APBB1: variants seen among roughly 807,000 people sequenced by gnomAD.
APBB1 encodes the protein amyloid beta precursor protein binding family B member 1.
In APBB1, 22 loss-of-function variants were observed where a neutral mutation model predicts 78.4. The ratio of observed to expected loss-of-function variants is 0.28; its 90% CI spans 0.20 to 0.40. The LOEUF is 0.40. Ranked by LOEUF, APBB1 falls within the 10% of genes least tolerant of loss-of-function variation. The pLI, the probability that APBB1 is intolerant of heterozygous loss-of-function variation, is 1.00. For missense variants in APBB1, 749 were observed against 932.4 expected, an observed-to-expected ratio of 0.80 and a Z score of 2.56; for synonymous variants, 369 against 372.7, an observed-to-expected ratio of 0.99 and a Z score of 0.12.
intron 1 of APBB1, among the ~76,000 whole-genome samples, chr11:6,413,096 G>A (rs1245655611): frequency 6.6e-6 from 1 of 151,630 alleles, no homozygotes; most frequent in African/African-American, 2.4e-5. Context: ...AAGAGAAAGT[G>A]CTCTCTCCCT....
chr11:6,402,882 G>A, intron 6 of APBB1, 157 bp from the exon 7 acceptor site: 1 of 970,210 alleles, frequency 1.0e-6, no homozygotes, highest in Non-Finnish European at 1.5e-6. Context: ...TGGTTAGGGT[G>A]AGGGAGATGT....
At chr11:6,409,534 G>A (rs918532346) in intron 2 of APBB1, among the ~76,000 whole-genome samples, 7 of 152,132 alleles carry the variant, frequency 4.6e-5, no homozygotes, top group African/African-American at 9.7e-5. Flanking sequence ...CTATTTTTGT[G>A]TATGTTTGAA....
intron 2 of APBB1, among the ~76,000 whole-genome samples, chr11:6,408,494 T>C (rs1024247673): frequency 1.3e-5 from 2 of 151,166 alleles, no homozygotes; most frequent in Admixed American, 6.6e-5. Flanking sequence ...GTCTCTACAT[T>C]TTTTTTTTCC....
intron 1 of APBB1, among the ~76,000 whole-genome samples, chr11:6,413,112 C>T (rs1423347014): frequency 6.6e-6 from 1 of 152,090 alleles, no homozygotes; most frequent in Non-Finnish European, 1.5e-5. Flanking sequence ...TCCCTGGACC[C>T]TCACCAGCCC....
chr11:6,402,234 A>G, intron 7 of APBB1, 25 bp from the exon 8 acceptor site: 1 of 1,611,298 alleles, frequency 6.2e-7, no homozygotes, highest in Non-Finnish European at 8.5e-7. Context: ...GCAGGCACTC[A>G]GTGGGACTCC....
At chr11:6,398,239 G>C (rs2134043847) in intron 12 of APBB1, among the ~76,000 whole-genome samples, 1 of 151,840 alleles carries the variant, frequency 6.6e-6, no homozygotes, top group Non-Finnish European at 1.5e-5. Flanking sequence ...TTTTGTATCA[G>C]TTGTTGCCTT....
chr11:6,403,392 C>T lies in APBB1; in HGVS notation c.967G>A (p.Asp323Asn). The change falls in exon 5 of 15, where the codon GAT becomes AAT. Residue 323 changes from aspartate to asparagine, a missense_variant. Asp to Asn is a conservative substitution (Grantham distance 23, BLOSUM62 1). This residue lies in a region of APBB1 where 635 missense variants were observed against 765.0 expected (regional missense o/e 0.83). Transcript: ENST00000609360. This position sits in a 1 kb window ranked among gnomAD's most constrained non-coding sequence, Gnocchi z 5.3. ...AGTCCCAGCTCCATTGGGGCCTCAT[C>T]ACTGGGTTCATCCTTGGGAAGGGGA... ...DGEFWKDEPS[D>N]EAPMELGLKE... 1 of 1,614,190 alleles carries T rather than the reference C, an allele frequency of 6.2e-7. No homozygotes were observed. The highest frequency in any genetic ancestry group is 1.1e-5 in the South Asian group (1 of 91,084).
Position 6,402,618 on chromosome 11 carries a change from G to A in APBB1, c.1212C>T (p.His404=). 1 of 1,614,092 alleles carries A rather than the reference G, an allele frequency of 6.2e-7. No individual in the cohort carries two copies. ...VNNCIRQLSY[H]KNNLHDPMSG... ...ACATGGGGTCATGCAGGTTGTTTTT[G>A]TGGTAAGAGAGCTGACGGATGCAAT... Residue 404 remains histidine (H), a synonymous_variant, in exon 7 of 15, where the codon CAC becomes CAT. Coordinates refer to ENST00000609360, the MANE Select transcript of APBB1 (RefSeq NM_001164.5).
Position 6,403,337 on chromosome 11 carries a change from A to T in APBB1, c.1022T>A (p.Phe341Tyr). The change falls in exon 5 of 15, where the codon TTC becomes TAC. Residue 341 changes from phenylalanine to tyrosine, a missense_variant. Phe to Tyr is a conservative substitution (Grantham distance 22, BLOSUM62 3). Around this residue, in one of 3 missense-constraint regions of APBB1, gnomAD observed 635 missense variants for 765.0 expected, o/e 0.83. Coordinates refer to ENST00000609360, the MANE Select transcript of APBB1 (RefSeq NM_001164.5). This position sits in a 1 kb window ranked among gnomAD's most constrained non-coding sequence, Gnocchi z 5.3. Reference protein sequence around the residue: ...LKEPEEGTLTFPAQSLSPEPL... With the variant: ...LKEPEEGTLTYPAQSLSPEPL... ...AGCTCACCTGAGGCTCTGAGCTGGG[A>T]AGGTCAACGTCCCCTCCTCAGGTTC... 1 of 1,614,102 alleles carries T rather than the reference A, an allele frequency of 6.2e-7. No individual in the cohort carries two copies. Among genetic ancestry groups the T allele is most frequent in the Non-Finnish European group, 8.5e-7 (1 of 1,180,004 alleles).
chr11:6,418,836 G>A (rs1466364443), intron 1 of APBB1, 149 bp downstream of exon 1: 3 of 364,410 alleles, frequency 8.2e-6, no homozygotes, highest in Non-Finnish European at 1.5e-5. Context: ...GACGGTCTGC[G>A]GGCGCGCGGT....
intron 2 of APBB1, among the ~76,000 whole-genome samples, chr11:6,406,737 T>C (rs1408211436): frequency 6.6e-6 from 1 of 151,968 alleles, no homozygotes; most frequent in African/African-American, 2.4e-5. Context: ...ATCACCTACC[T>C]CTCCTTCAGA....
Position 6,395,486 on chromosome 11 carries a change from G to C in APBB1, c.*48C>G, listed in dbSNP as rs1378234438. ...ACCCCTCCCTGACCCACACCCTTTA[G>C]TTCCCTGGGGCCCAACACAAGCAGG... On this transcript the variant is annotated 3_prime_UTR_variant, in exon 15 of 15. Coordinates refer to ENST00000609360, the MANE Select transcript of APBB1 (RefSeq NM_001164.5). The surrounding 1 kb of genome is among the most constrained non-coding windows in gnomAD (Gnocchi z 5.2). 3 of 1,493,388 alleles carry C rather than the reference G, an allele frequency of 2.0e-6. No homozygotes were observed. The highest frequency in any genetic ancestry group is 2.7e-6 in the Non-Finnish European group (3 of 1,121,994). 92.5% of individuals were successfully genotyped at this position (1,493,388 alleles called of 1,614,324 possible).
intron 7 of APBB1, 67 bp from the exon 8 acceptor site, chr11:6,402,276 C>A: frequency 6.3e-7 from 1 of 1,587,200 alleles, no homozygotes; most frequent in Non-Finnish European, 8.6e-7. Flanking sequence ...CTGACCCCTG[C>A]AGCTCAGGGG....
chr11:6,406,921 T>A (rs1158197652), intron 2 of APBB1, among the ~76,000 whole-genome samples: 2 of 152,136 alleles, frequency 1.3e-5, no homozygotes, highest in Non-Finnish European at 2.9e-5. Flanking sequence ...GGCCAGGAGG[T>A]AAGAACATCT....
chr11:6,400,464 C>G (rs999633461), intron 12 of APBB1, among the ~76,000 whole-genome samples: 2 of 152,032 alleles, frequency 1.3e-5, no homozygotes, highest in Non-Finnish European at 2.9e-5. Flanking sequence ...ATTGCTTGAA[C>G]CCAGGAGGCG....
chr11:6,414,444 AAG>A (rs1171588390), intron 1 of APBB1, among the ~76,000 whole-genome samples: 2 of 152,180 alleles, frequency 1.3e-5, no homozygotes, highest in Non-Finnish European at 2.9e-5. Flanking sequence ...CCCATTACCA[AAG>A]AGAGTGTGCC....
chr11:6,404,083 G>T, intron 2 of APBB1: 1 of 426,244 alleles, frequency 2.3e-6, no homozygotes, highest in Non-Finnish European at 4.1e-6. Context: ...AAGGCAGGGA[G>T]GGAAGAAGGA....
At chr11:6,410,564 A>T in intron 2 of APBB1, 63 bp downstream of exon 2, 4 of 1,425,324 alleles carry the variant, frequency 2.8e-6, no homozygotes, top group Non-Finnish European at 3.8e-6. Flanking sequence ...TGGCCTCTGT[A>T]TGAGAGTCCT....
At chr11:6,405,008 G>C in intron 2 of APBB1, 3 of 1,425,592 alleles carry the variant, frequency 2.1e-6, no homozygotes, top group South Asian at 3.0e-5. Flanking sequence ...ATCTCCTTGG[G>C]GGGTGGGGAA....
Sources: allele counts gnomAD v4.1 joint callset (sites outside exome capture counted in the v4.1 genomes callset), GRCh38; gene constraint gnomAD v4.1.1; regional missense constraint gnomAD v4.1.1; non-coding constraint Gnocchi (gnomAD v3.1); transcripts MANE v1.5; gene names NCBI Gene and HGNC (gene_info 2026-07-23, HGNC 2026-07-21).